Variants in C1orf87 observed in about 807,000 individuals in gnomAD.
The protein encoded by C1orf87 is chromosome 1 open reading frame 87, also known as uncharacterized protein C1orf87.
A neutral mutation model predicts 60.5 loss-of-function variants in C1orf87; 58 were observed. The ratio of observed to expected loss-of-function variants is 0.96; its 90% CI spans 0.78 to 1.19. The LOEUF (loss-of-function observed/expected upper bound fraction) is 1.19, where lower values mean the gene tolerates loss of function less well. Ranked by LOEUF, C1orf87 falls within the 50% of genes most tolerant of loss-of-function variation. The pLI is 0.00. For synonymous variants in C1orf87, 236 were observed against 227.4 expected (o/e 1.04, Z -0.34); for missense variants, 673 against 638.6 (o/e 1.05, Z -0.58).
At position 60,056,678 on chromosome 1, in the gene C1orf87, C is replaced by T. The variant is rs559675776; in HGVS notation, c.108-1240G>A. Among the ~76,000 whole-genome samples the T allele has an allele frequency of 7.2e-5, 11 of 152,166 alleles. No individual in the cohort carries two copies. The East Asian group carries it at 1.2e-3, about 16-fold the overall frequency. On this transcript the variant is annotated intron_variant, in intron 2 of 11. Transcript: ENST00000371201. ...AGTATCTCCGGGTGGTAGAACTTAG[C>T]GTATTACATTACACTCTATTACACT...
intron 8 of C1orf87, among the ~76,000 whole-genome samples, chr1:60,015,268 A>G (rs192585346): frequency 2.0e-5 from 3 of 152,196 alleles, no homozygotes; most frequent in Non-Finnish European, 2.9e-5. Context: ...TGCTTTCACC[A>G]TAGGAGGTCA....
At chr1:60,003,057 A>T (rs1375011399) in intron 9 of C1orf87, among the ~76,000 whole-genome samples, 11 of 145,148 alleles carry the variant, frequency 7.6e-5, no homozygotes, top group South Asian at 2.3e-4. Context: ...AATAGCAAAG[A>T]CTTGGAACCA....
chr1:60,044,154 C>G (rs369860812), intron 3 of C1orf87, among the ~76,000 whole-genome samples: 16 of 152,286 alleles, frequency 1.1e-4, no homozygotes, highest in African/African-American at 3.1e-4. Context: ...CTCAGCCTCC[C>G]GAGTAGCTGG....
chr1:60,029,589 C>T (rs1430099277), intron 7 of C1orf87, among the ~76,000 whole-genome samples: 4 of 151,234 alleles, frequency 2.6e-5, no homozygotes, highest in Admixed American at 2.0e-4. Flanking sequence ...TTTCACATTG[C>T]GACTTCTACC....
chr1:60,051,760 T>C (rs534699375), intron 3 of C1orf87, among the ~76,000 whole-genome samples: 59 of 152,336 alleles, frequency 3.9e-4, no homozygotes, highest in African/African-American at 1.3e-3. Flanking sequence ...AATGGTGGTC[T>C]GATTAAGGTG....
At chr1:60,073,292 G>GA (rs1458675754) in intron 1 of C1orf87, among the ~76,000 whole-genome samples, 1 of 152,132 alleles carries the variant, frequency 6.6e-6, no homozygotes, top group Non-Finnish European at 1.5e-5. Context: ...GATGCCAAGG[G>GA]AAAATCAGAA....
chr1:60,063,818 G>A (rs1322176316), intron 2 of C1orf87, among the ~76,000 whole-genome samples: 2 of 152,146 alleles, frequency 1.3e-5, no homozygotes, highest in African/African-American at 4.8e-5. Context: ...TGAGCACTGT[G>A]CTCCTGGTGA....
intron 2 of C1orf87, among the ~76,000 whole-genome samples, chr1:60,065,726 T>C (rs926967073): frequency 6.6e-6 from 1 of 152,116 alleles, no homozygotes; most frequent in Non-Finnish European, 1.5e-5. Flanking sequence ...TTAAGACAAG[T>C]CACAAAGAAT....
chr1:60,023,130 C>T (rs1226497481), intron 8 of C1orf87, among the ~76,000 whole-genome samples: 8 of 151,940 alleles, frequency 5.3e-5, no homozygotes, highest in African/African-American at 1.4e-4. Context: ...TTTTCTTTAC[C>T]ACTGGGTTAA....
chr1:60,014,710 C>T (rs1366689201), intron 8 of C1orf87, among the ~76,000 whole-genome samples: 1 of 152,144 alleles, frequency 6.6e-6, no homozygotes, highest in Admixed American at 6.6e-5. Flanking sequence ...CATTACCTTT[C>T]TTTGCCTCCT....
At chr1:60,060,030 G>A (rs1645484041) in intron 2 of C1orf87, among the ~76,000 whole-genome samples, 1 of 151,766 alleles carries the variant, frequency 6.6e-6, no homozygotes, top group Non-Finnish European at 1.5e-5. Flanking sequence ...GAAATGTGAA[G>A]CCTGTGCTAA....
At chr1:60,010,801 C>T (rs7545017) in intron 8 of C1orf87, 2,386 of 163,914 alleles carry the variant, frequency 0.015, 49 homozygotes, top group African/African-American at 0.054. Flanking sequence ...TTTCTGGCCA[C>T]TGGAAAATGA....
At position 59,997,812 on chromosome 1, in the gene C1orf87, G is replaced by A; in HGVS notation, c.1277C>T (p.Thr426Ile). The change falls in exon 11 of 12, where the codon ACT (threonine) becomes ATT (isoleucine). Residue 426 changes from threonine to isoleucine, a missense_variant. Physicochemically the swap from Thr to Ile is moderately conservative, Grantham distance 89 (BLOSUM62 -1). Coordinates refer to ENST00000371201, the MANE Select transcript of C1orf87 (RefSeq NM_152377.3). ...TTCTGGCTGCAGCTCCTCTTCTGGA[G>A]TTTTCTACCAAAACAACAAAAGCAT... ...MSQSKTEHMK[T>I]PEEELQPESS... 6.2e-7 allele frequency: 1 copy of A among 1,612,958 alleles called. No individual in the cohort carries two copies. Among genetic ancestry groups the A allele is most frequent in the South Asian group, 1.1e-5 (1 of 90,982 alleles).
intron 2 of C1orf87, among the ~76,000 whole-genome samples, chr1:60,070,942 C>CA (rs1006657712): frequency 6.6e-6 from 1 of 152,118 alleles, no homozygotes; most frequent in Non-Finnish European, 1.5e-5. Flanking sequence ...TAAGGCTAAA[C>CA]AAATAACCTA....
intron 3 of C1orf87, among the ~76,000 whole-genome samples, chr1:60,054,523 G>T (rs977381563): frequency 3.9e-5 from 6 of 152,180 alleles, no homozygotes; most frequent in Non-Finnish European, 8.8e-5. Context: ...GTCACTTAAT[G>T]CTTGGCAGCA....
At chr1:60,050,245 T>G (rs985095089) in intron 3 of C1orf87, among the ~76,000 whole-genome samples, 1 of 152,064 alleles carries the variant, frequency 6.6e-6, no homozygotes, top group Admixed American at 6.5e-5. Context: ...TAACATTTTA[T>G]GTACAAGAAA....
rs1644972938 is a variant in C1orf87, at chr1:59,997,710, A to C, written c.1379T>G (p.Val460Gly). The C allele has an allele frequency of 6.2e-7, 1 of 1,613,830 alleles. No individual in the cohort carries two copies. The highest frequency in any genetic ancestry group is 1.3e-5 in the African/African-American group (1 of 74,898). ...LKIRPVSQPF[V>G]NPAVKNKAEE... ...AGCCTTGTTCTTCACAGCTGGATTC[A>C]CGAAGGGCTGGGAGACTGGCCTGAT... Residue 460 changes from valine to glycine, a missense_variant, in exon 11 of 12, where the codon GTG becomes GGG. By Grantham distance (109) the Val-to-Gly change is moderately radical. Transcript: ENST00000371201.
In C1orf87 at chr1:59,992,710, C is replaced by T. The variant is rs545380541; in HGVS notation, c.1481-1877G>A. Among the ~76,000 whole-genome samples the T allele has an allele frequency of 7.2e-5, 11 of 152,236 alleles. No homozygotes were observed. In the East Asian group the frequency reaches 2.1e-3, roughly 29 times the overall value. On this transcript the variant is annotated intron_variant, in intron 11 of 11. Transcript: ENST00000371201. Reference sequence around the variant, plus strand: ...TACTTATCATCTCAGTTTAAGATACCAAATATTACTCATTTTTAAATGTGC... The same window carrying T: ...TACTTATCATCTCAGTTTAAGATACTAAATATTACTCATTTTTAAATGTGC...
chr1:60,001,028 A>G (rs1350612885), intron 10 of C1orf87, 49 bp downstream of exon 10: 1 of 1,477,652 alleles, frequency 6.8e-7, no homozygotes, highest in East Asian at 2.3e-5. Context: ...GAAAAGGCCA[A>G]GTATCCATGA....
Sources: allele counts gnomAD v4.1 joint callset (sites outside exome capture counted in the v4.1 genomes callset), GRCh38; gene constraint gnomAD v4.1.1; transcripts MANE v1.5; gene names NCBI Gene and HGNC (gene_info 2026-07-23, HGNC 2026-07-21).